JUP: variants seen among roughly 807,000 people sequenced by gnomAD.
JUP encodes the protein catenin (cadherin-associated protein), gamma 80kDa.
Under a neutral mutation model 71.1 loss-of-function variants are expected in JUP, and 28 were observed. The ratio of observed to expected loss-of-function variants is 0.39; its 90% CI spans 0.29 to 0.54. JUP has a LOEUF of 0.54. Ranked by LOEUF, JUP falls within the 20% of genes least tolerant of loss-of-function variation. The pLI is 0.62. For missense variants in JUP, 869 were observed against 1,030.1 expected, an observed-to-expected ratio of 0.84 and a Z score of 2.14; for synonymous variants, 401 against 438.9, an observed-to-expected ratio of 0.91 and a Z score of 1.08.
intron 5 of JUP, among the ~76,000 whole-genome samples, 199 bp downstream of exon 5, chr17:41,767,180 C>CA (rs1915868336): frequency 1.3e-5 from 2 of 152,006 alleles, no homozygotes; most frequent in Non-Finnish European, 2.9e-5. Context: ...ACAATAGTGG[C>CA]TATATGAGGA....
intron 1 of JUP, among the ~76,000 whole-genome samples, chr17:41,783,788 A>T (rs1001194774): frequency 1.1e-4 from 16 of 150,312 alleles, no homozygotes; most frequent in South Asian, 2.1e-4. Flanking sequence ...GGGTGGTGGC[A>T]CACGCCTGTA....
rs1555597375 is a variant in JUP, at chr17:41,755,776, G to A, written c.2206C>T (p.Pro736Ser). 6.2e-7 allele frequency: 1 copy of A among 1,609,694 alleles called. No homozygotes were observed. The highest frequency in any genetic ancestry group is 1.1e-5 in the South Asian group (1 of 90,528). Residue 736 changes from proline (P) to serine (S), a missense_variant, in exon 14 of 14, where the codon CCG becomes TCG. Transcript: ENST00000393931. ...AGCATGTGGTCTGCAGTGGGGTACG[G>A]GGGCCTGAGGCCGTCGCTGTAGGTG... ...IDTYSDGLRP[P>S]YPTADHMLA
chr17:41,755,004 A>C lies in JUP; in HGVS notation c.*740T>G. 3.4e-6 allele frequency: 1 copy of C among 293,470 alleles called. No individual in the cohort carries two copies. Among genetic ancestry groups the C allele is most frequent in the Non-Finnish European group, 6.3e-6 (1 of 159,358 alleles). The allele number at this position is 293,470 out of a possible 1,614,324, so 18.2% of individuals were successfully genotyped here. On this transcript the variant is annotated 3_prime_UTR_variant, in exon 14 of 14. Transcript: ENST00000393931. ...GACGGTCCCTGAACTTTTCAAGAGA[A>C]GTTTTGGATTTTGGGGGTTTGGGTC...
chr17:41,761,355 G>A (rs1597794916), intron 8 of JUP, among the ~76,000 whole-genome samples: 1 of 152,202 alleles, frequency 6.6e-6, no homozygotes, highest in South Asian at 2.1e-4. Context: ...CAGGAGTGAT[G>A]TGTGCCACTT....
chr17:41,777,045 G>A (rs1206400325), intron 1 of JUP, among the ~76,000 whole-genome samples: 1 of 152,146 alleles, frequency 6.6e-6, no homozygotes, highest in Non-Finnish European at 1.5e-5. Flanking sequence ...AAAAGGCGAG[G>A]GCTGGCACAG....
intron 2 of JUP, among the ~76,000 whole-genome samples, chr17:41,770,325 T>A (rs1156383312): frequency 2.6e-5 from 4 of 152,164 alleles, no homozygotes; most frequent in Admixed American, 2.0e-4. Flanking sequence ...CCTCTCTAGC[T>A]TCCATCCCCT....
At position 41,763,147 on chromosome 17, in the gene JUP, C is replaced by G. The variant is rs782465430; in HGVS notation, c.1333G>C (p.Ala445Pro). Residue 445 changes from alanine to proline, a missense_variant, in exon 8 of 14, where the codon GCT becomes CCT. Coordinates refer to ENST00000393931, the MANE Select transcript of JUP (RefSeq NM_002230.4). ...VEALIHAILR[A>P]GDKDDITEPA... ...TCCGTGATGTCGTCCTTGTCACCAG[C>G]ACGCAGGATGGCATGGATGAGAGCC... The G allele has an allele frequency of 6.2e-6, 10 of 1,614,242 alleles. No individual in the cohort carries two copies. The highest frequency in any genetic ancestry group is 8.5e-6 in the Non-Finnish European group (10 of 1,180,048).
At chr17:41,767,766 C>G (rs534885136) in intron 4 of JUP, among the ~76,000 whole-genome samples, 186 bp from the exon 5 acceptor site, 1 of 152,354 alleles carries the variant, frequency 6.6e-6, no homozygotes, top group African/African-American at 2.4e-5. Flanking sequence ...GCAAACAGCA[C>G]CTCTCTTCTC....
rs147628503 is a variant in JUP, at chr17:41,756,192, T to C, written c.2069A>G (p.Asn690Ser). 1.9e-4 allele frequency: 304 copies of C among 1,613,856 alleles called. 1 individual carries two copies. Among genetic ancestry groups the C allele is most frequent in the Non-Finnish European group, 2.4e-4 (282 of 1,179,986 alleles). The change falls in exon 13 of 14, where the codon AAT becomes AGT. Residue 690 changes from asparagine (N) to serine (S), a missense_variant. Asn to Ser is a conservative substitution (Grantham distance 46). Transcript: ENST00000393931. ...ACACTTACCATCTCCATAGGGCTCATTGATGGGAATCATGCTCTGGGCCTG... is the reference window on the plus strand; with the variant it reads ...ACACTTACCATCTCCATAGGGCTCACTGATGGGAATCATGCTCTGGGCCTG... ...WEAAQSMIPI[N>S]EPYGDDMDAT... is the part of the protein sequence containing the mutation.
Position 41,769,133 on chromosome 17 carries a change from G to A in JUP, c.543C>T (p.Gly181=). Residue 181 remains glycine (G), a synonymous_variant, in exon 4 of 14, where the codon GGC becomes GGT. Coordinates refer to ENST00000393931, the MANE Select transcript of JUP (RefSeq NM_002230.4). ...CGACAGCGGCCACCAGCTGGGGCGA[G>A]CCCATCAGGGCCCGCCGCGACGCCT... is the stretch of plus-strand genomic sequence containing the variant. ...KKEASRRALM[G]SPQLVAAVVR... is the part of the protein sequence containing the mutation. 3.1e-6 allele frequency: 5 copies of A among 1,608,760 alleles called. No individual in the cohort carries two copies. The highest frequency in any genetic ancestry group is 4.2e-6 in the Non-Finnish European group (5 of 1,179,830).
intron 1 of JUP, chr17:41,773,037 G>A (rs1916904743): frequency 1.2e-5 from 12 of 969,238 alleles, no homozygotes; most frequent in South Asian, 4.8e-5. Context: ...CTGGTCCCCC[G>A]CGTACAGATG....
chr17:41,783,021 C>T (rs2047244895), intron 1 of JUP, among the ~76,000 whole-genome samples: 1 of 151,032 alleles, frequency 6.6e-6, no homozygotes, highest in Admixed American at 6.6e-5. Flanking sequence ...CGCTTGAACC[C>T]AGGAGGTAGA....
chr17:41,765,023 G>T lies in JUP; in HGVS notation c.954C>A (p.Ile318=). ...GCTTTTCATAACTGTAGTTACGCATGATCTGCACGAGGGCCTGGGGCCCAC... is the reference window on the plus strand; with the variant it reads ...GCTTTTCATAACTGTAGTTACGCATTATCTGCACGAGGGCCTGGGGCCCAC... The part of the protein sequence containing the change: ...ANGGPQALVQ[I]MRNYSYEKLL... Residue 318 remains isoleucine, a synonymous_variant, in exon 6 of 14, where the codon ATC becomes ATA. Transcript: ENST00000393931. 1.2e-6 allele frequency: 2 copies of T among 1,614,084 alleles called. No individual in the cohort carries two copies. Among genetic ancestry groups the T allele is most frequent in the Non-Finnish European group, 1.7e-6 (2 of 1,179,998 alleles).
intron 7 of JUP, among the ~76,000 whole-genome samples, chr17:41,763,836 T>G (rs868915089): frequency 2.5e-4 from 38 of 152,206 alleles, no homozygotes; most frequent in African/African-American, 8.7e-4. Context: ...AATCACTACC[T>G]CAGACGTCTA....
At position 41,755,908 on chromosome 17, in the gene JUP, A is replaced by G; in HGVS notation, c.2087-13T>C. 6.2e-7 allele frequency: 1 copy of G among 1,602,276 alleles called. No homozygotes were observed. The highest frequency in any genetic ancestry group is 8.5e-7 in the Non-Finnish European group (1 of 1,172,670). ...GTGGCATCCATGTCTGGGGACAAAAAGTGGGGCTCGGTCCTAGGGTCTGCA... is the reference window on the plus strand; with the variant it reads ...GTGGCATCCATGTCTGGGGACAAAAGGTGGGGCTCGGTCCTAGGGTCTGCA... On this transcript the variant is annotated splice_polypyrimidine_tract_variant and intron_variant, in intron 13 of 13. Transcript: ENST00000393931.
intron 8 of JUP, 38 bp downstream of exon 8, chr17:41,762,945 G>GC: frequency 1.3e-6 from 2 of 1,588,156 alleles, no homozygotes; most frequent in Non-Finnish European, 1.7e-6. Context: ...ACCTAAGCCT[G>GC]CTGCAGGGAG....
intron 1 of JUP, among the ~76,000 whole-genome samples, chr17:41,781,248 G>C (rs190515807): frequency 6.6e-6 from 1 of 151,854 alleles, no homozygotes; most frequent in Non-Finnish European, 1.5e-5. Context: ...CCAGCTACGC[G>C]GGAGGCTGAG....
chr17:41,776,748 T>C (rs1164216727), intron 1 of JUP, among the ~76,000 whole-genome samples: 1 of 152,162 alleles, frequency 6.6e-6, no homozygotes, highest in Non-Finnish European at 1.5e-5. Context: ...GGCTCACGCC[T>C]GTAATCCCAG....
intron 8 of JUP, among the ~76,000 whole-genome samples, chr17:41,761,708 G>A (rs957861642): frequency 4.1e-4 from 60 of 147,146 alleles, no homozygotes; most frequent in Admixed American, 1.9e-3. Flanking sequence ...AGCCGAGATC[G>A]CACCATTGCA....
Sources: gnomAD v4.1 joint callset for allele counts (sites outside exome capture counted in the v4.1 genomes callset) on GRCh38, gnomAD v4.1.1 for gene constraint, MANE v1.5 for transcripts, NCBI Gene and HGNC (gene_info 2026-07-23, HGNC 2026-07-21) for gene names.